RAD50: variants seen among roughly 807,000 people sequenced by gnomAD.
The protein encoded by RAD50 is RAD50 double strand break repair protein, also known as DNA repair protein RAD50.
A neutral mutation model predicts 168.8 loss-of-function variants in RAD50; 132 were observed. The observed-to-expected ratio is 0.78, with a 90% confidence interval of 0.68 to 0.90. The LOEUF (loss-of-function observed/expected upper bound fraction) is 0.90, where lower values mean the gene tolerates loss of function less well. Ranked by LOEUF, RAD50 falls within the 40% of genes least tolerant of loss-of-function variation. RAD50 has a pLI of 0.00. For missense variants in RAD50, 1,347 were observed against 1,534.4 expected (o/e 0.88, Z 2.04); for synonymous variants, 525 against 497.4 (o/e 1.06, Z -0.74).
chr5:132,561,587 C>T (rs765448947), intron 2 of RAD50, among the ~76,000 whole-genome samples: 3 of 152,152 alleles, frequency 2.0e-5, no homozygotes, highest in Non-Finnish European at 1.5e-5. Flanking sequence ...TTCAGTCTAA[C>T]GGCTTTAAGT....
chr5:132,581,254 C>T (rs1350411523), intron 5 of RAD50, among the ~76,000 whole-genome samples: 1 of 150,670 alleles, frequency 6.6e-6, no homozygotes, highest in Non-Finnish European at 1.5e-5. Flanking sequence ...CATGAGCCAC[C>T]ACGCCCGGCT....
In RAD50 at chr5:132,587,941, T is replaced by A. The variant is rs375261693; in HGVS notation, c.903T>A (p.Asp301Glu). The A allele has an allele frequency of 1.9e-6, 3 of 1,613,226 alleles. No homozygotes were observed. Among genetic ancestry groups the A allele is most frequent in the Non-Finnish European group, 2.5e-6 (3 of 1,179,408 alleles). ...TTACACAGGTTTTTCAAGGGACTGA[T>A]GAGCAACTAAATGACTTATATCACA... ...EKMEKVFQGT[D>E]EQLNDLYHNH... Residue 301 changes from aspartate to glutamate, a missense_variant, in exon 7 of 25, where the codon GAT becomes GAA. By Grantham distance (45) the Asp-to-Glu change is conservative (BLOSUM62 2). Transcript: ENST00000378823.
At chr5:132,572,588 T>C (rs1005363697) in intron 2 of RAD50, among the ~76,000 whole-genome samples, 4 of 152,056 alleles carry the variant, frequency 2.6e-5, no homozygotes, top group African/African-American at 9.7e-5. Flanking sequence ...AATAGGTGAT[T>C]ATATGATATT....
intron 2 of RAD50, among the ~76,000 whole-genome samples, chr5:132,574,586 T>G (rs749153520): frequency 6.6e-6 from 1 of 152,234 alleles, no homozygotes; most frequent in Non-Finnish European, 1.5e-5. Flanking sequence ...TGCAAATTTC[T>G]GCAGCTGGCT....
At chr5:132,639,404 A>C (rs1294971581) in intron 23 of RAD50, among the ~76,000 whole-genome samples, 1 of 151,986 alleles carries the variant, frequency 6.6e-6, no homozygotes, top group Non-Finnish European at 1.5e-5. Context: ...TTATGTTGTC[A>C]GCCTAGACAG....
intron 5 of RAD50, among the ~76,000 whole-genome samples, chr5:132,582,999 T>C (rs1750531062): frequency 6.6e-6 from 1 of 152,242 alleles, no homozygotes; most frequent in South Asian, 2.1e-4. Flanking sequence ...ATTATCATAA[T>C]GTTTGTGCTA....
At position 132,637,191 on chromosome 5, in the gene RAD50, C is replaced by A. The variant is rs535261113; in HGVS notation, c.3466C>A (p.Arg1156Ser). 1 of 1,611,462 alleles carries A rather than the reference C, an allele frequency of 6.2e-7. No homozygotes were observed. Among genetic ancestry groups the A allele is most frequent in the South Asian group, 1.1e-5 (1 of 91,024 alleles). ...ACGTGACCTGTGGCGAAGTACCTAT[C>A]GTGGACAAGGTGAGTACCATGGTGT... ...IIRDLWRSTY[R>S]GQDIEYIEIR... Residue 1156 changes from arginine (R) to serine (S), a missense_variant, in exon 22 of 25, where the codon CGT becomes AGT. Transcript: ENST00000378823.
chr5:132,600,457 A>C (rs1366189970), intron 13 of RAD50, among the ~76,000 whole-genome samples: 1 of 152,220 alleles, frequency 6.6e-6, no homozygotes, highest in Non-Finnish European at 1.5e-5. Flanking sequence ...AAAGTTGTGG[A>C]AGATGAGCTC....
At chr5:132,592,176 G>C in intron 11 of RAD50, 142 bp downstream of exon 11, 4 of 887,052 alleles carry the variant, frequency 4.5e-6, no homozygotes, top group Non-Finnish European at 7.0e-6. Flanking sequence ...ACTTCAGAAA[G>C]TTCATGGAAA....
chr5:132,626,743 T>C (rs1300658396), intron 21 of RAD50, among the ~76,000 whole-genome samples: 4 of 145,846 alleles, frequency 2.7e-5, no homozygotes, highest in African/African-American at 9.8e-5. Flanking sequence ...TGTATCTAAC[T>C]CTGTTTTAAA....
rs121912628 is a variant in RAD50 at position 132,618,182 on chromosome 5, C to T, written c.3277C>T (p.Arg1093Ter). Residue 1093 changes from arginine (R) to a stop codon, truncating the protein, a stop_gained, in exon 21 of 25, where the codon CGA (arginine) becomes TGA (stop). Coordinates refer to ENST00000378823, the MANE Select transcript of RAD50 (RefSeq NM_005732.4). LOFTEE classifies it high-confidence loss of function. ...EEIIHFKKELREPQFRDAEEK... is the reference protein window; with the variant it reads ...EEIIHFKKEL ...AATTATTCATTTTAAGAAAGAACTT[C>T]GAGAACCACAATTTCGGGATGCTGA... 1.5e-5 allele frequency: 24 copies of T among 1,613,686 alleles called. No individual in the cohort carries two copies. The highest frequency in any genetic ancestry group is 4.0e-5 in the African/African-American group (3 of 74,848).
In RAD50 at chr5:132,609,195, G is replaced by A. The variant is rs769131100; in HGVS notation, c.2908G>A (p.Asp970Asn). The change falls in exon 18 of 25, where the codon GAC (aspartate) becomes AAC (asparagine). Residue 970 changes from aspartate (D) to asparagine (N), a missense_variant. This residue lies in a region of RAD50 where 635 missense variants were observed against 739.2 expected (regional missense o/e 0.86). Coordinates refer to ENST00000378823, the MANE Select transcript of RAD50 (RefSeq NM_005732.4). Reference sequence around the variant, plus strand: ...TGAGAATTATATTCAAGATGGGAAAGACGACTATAAGAAGGTAATTTAAAA... The same window carrying A: ...TGAGAATTATATTCAAGATGGGAAAAACGACTATAAGAAGGTAATTTAAAA... ...DIENYIQDGK[D>N]DYKKQKETEL... 6.2e-7 allele frequency: 1 copy of A among 1,611,676 alleles called. No individual in the cohort carries two copies. The highest frequency in any genetic ancestry group is 8.5e-7 in the Non-Finnish European group (1 of 1,178,902).
chr5:132,578,180 C>G (rs111322833), intron 3 of RAD50, among the ~76,000 whole-genome samples: 1 of 152,182 alleles, frequency 6.6e-6, no homozygotes, highest in African/African-American at 2.4e-5. Flanking sequence ...AAACCAAACT[C>G]AGTCCTTTCT....
At chr5:132,637,681 C>T (rs997918438) in intron 22 of RAD50, among the ~76,000 whole-genome samples, 11 of 152,012 alleles carry the variant, frequency 7.2e-5, no homozygotes, top group Non-Finnish European at 1.0e-4. Context: ...TACAGGTGCG[C>T]GCTCCCACAC....
chr5:132,639,414 G>A (rs1751669188), intron 23 of RAD50, among the ~76,000 whole-genome samples: 2 of 151,136 alleles, frequency 1.3e-5, no homozygotes, highest in Admixed American at 6.6e-5. Flanking sequence ...AGCCTAGACA[G>A]CTGATCCCAA....
At chr5:132,611,860 T>A (rs1751093994) in intron 19 of RAD50, among the ~76,000 whole-genome samples, 1 of 151,870 alleles carries the variant, frequency 6.6e-6, no homozygotes, top group Admixed American at 6.6e-5. Context: ...CGCAGGGCTT[T>A]AAAAAAAATA....
At position 132,642,211 on chromosome 5, in the gene RAD50, C is replaced by T. The variant is rs267600344; in HGVS notation, c.3786C>T (p.Phe1262=). The T allele has an allele frequency of 1.9e-6, 3 of 1,614,198 alleles. No individual in the cohort carries two copies. The highest frequency in any genetic ancestry group is 2.5e-6 in the Non-Finnish European group (3 of 1,180,032). The change falls in exon 25 of 25, where the codon TTC becomes TTT. Residue 1262 remains phenylalanine (F), a synonymous_variant. Transcript: ENST00000378823. ...IIKSRSQQRN[F]QLLVITHDED... ...AAAGTCGCTCACAGCAGCGTAACTT[C>T]CAGCTTCTGGTAATCACTCATGATG...
At position 132,570,274 on chromosome 5, in the gene RAD50, G is replaced by A. The variant is rs193032514; in HGVS notation, c.214-5503G>A. On this transcript the variant is annotated intron_variant, in intron 2 of 24. Coordinates refer to ENST00000378823, the MANE Select transcript of RAD50 (RefSeq NM_005732.4). ...TTTATACTGATACAAGAAAATGGGGGGGGAAATGGAGAAAGAGCAAAGCCC... is the reference window on the plus strand; with the variant it reads ...TTTATACTGATACAAGAAAATGGGGAGGGAAATGGAGAAAGAGCAAAGCCC... 9.2e-5 allele frequency among the ~76,000 whole-genome samples: 14 copies of A among 152,136 alleles called. 1 individual carries two copies. The East Asian group carries it at 2.7e-3, about 29-fold the overall frequency.
rs876659144 is a variant in RAD50, at chr5:132,588,828, A to G, written c.1193A>G (p.Lys398Arg). The G allele has an allele frequency of 3.1e-6, 5 of 1,614,102 alleles. No homozygotes were observed. The highest frequency in any genetic ancestry group is 4.2e-6 in the Non-Finnish European group (5 of 1,179,970). Residue 398 changes from lysine to arginine, a missense_variant, in exon 8 of 25, where the codon AAA becomes AGA. By Grantham distance (26) the Lys-to-Arg change is conservative. Around this residue, in one of 3 missense-constraint regions of RAD50, gnomAD observed 703 missense variants for 767.7 expected, o/e 0.92. Transcript: ENST00000378823. ...FSERQIKNFH[K>R]LVRERQEGEA... Reference sequence around the variant, plus strand: ...GAAAGACAGATTAAAAATTTTCACAAACTTGTGAGAGAGAGACAAGAAGGG... The same window carrying G: ...GAAAGACAGATTAAAAATTTTCACAGACTTGTGAGAGAGAGACAAGAAGGG...
Sources: gnomAD v4.1 joint callset for allele counts (sites outside exome capture counted in the v4.1 genomes callset) on GRCh38, gnomAD v4.1.1 for gene constraint, gnomAD v4.1.1 regional missense constraint, MANE v1.5 for transcripts, NCBI Gene and HGNC (gene_info 2026-07-23, HGNC 2026-07-21) for gene names.